Variants in RBFOX1 observed in about 807,000 individuals in gnomAD.
RBFOX1 encodes the protein RNA binding protein fox-1 homolog 1.
RBFOX1 carries 8 observed loss-of-function variants against 57.7 expected under a neutral mutation model. The observed-to-expected ratio is 0.14, with a 90% CI of 0.08 to 0.25. RBFOX1 has a LOEUF of 0.25. Among genes scored for constraint, RBFOX1 ranks in the 10% least tolerant of loss-of-function variants. The pLI, the probability that RBFOX1 is intolerant of heterozygous loss-of-function variation, is 1.00. For missense variants in RBFOX1, 611 were observed against 548.5 expected (o/e 1.11, Z -1.14); for synonymous variants, 326 against 222.4 (o/e 1.47, Z -4.15).
chr16:6,876,666 C>T (rs12925846), intron 3 of RBFOX1, among the ~76,000 whole-genome samples: 1 of 151,802 alleles, frequency 6.6e-6, no homozygotes, highest in Non-Finnish European at 1.5e-5. Flanking sequence ...ACCTAGGGTT[C>T]TATTTCTTAA....
intron 14 of RBFOX1, among the ~76,000 whole-genome samples, chr16:7,703,190 T>A (rs1374058091): frequency 6.6e-6 from 1 of 152,236 alleles, no homozygotes; most frequent in Non-Finnish European, 1.5e-5. Context: ...TACTTAAGAC[T>A]ATGCCTTAGA....
intron 2 of RBFOX1, among the ~76,000 whole-genome samples, chr16:6,554,642 C>A (rs1375859889): frequency 6.6e-6 from 1 of 152,100 alleles, no homozygotes; most frequent in Non-Finnish European, 1.5e-5. Flanking sequence ...CTTGCTTGTA[C>A]TCTCCTGATT....
chr16:7,659,220 C>A (rs145113037), intron 12 of RBFOX1, among the ~76,000 whole-genome samples: 19 of 152,280 alleles, frequency 1.2e-4, no homozygotes, highest in African/African-American at 4.6e-4. Context: ...AAAGATAGAG[C>A]AGTATCCCAG....
chr16:5,536,958 C>G (rs2044723870), intron 2 of RBFOX1, among the ~76,000 whole-genome samples: 1 of 152,190 alleles, frequency 6.6e-6, no homozygotes, highest in African/African-American at 2.4e-5. Context: ...TTGCACATAA[C>G]TGCAGAACAC....
At chr16:6,455,044 G>C (rs1011674364) in intron 2 of RBFOX1, among the ~76,000 whole-genome samples, 1 of 104,898 alleles carries the variant, frequency 9.5e-6, no homozygotes, top group Non-Finnish European at 1.9e-5. Context: ...TACCATGCCT[G>C]GCTAATTTTT....
Position 6,893,996 on chromosome 16 carries a change from C to T in RBFOX1, c.-15-158061C>T, listed in dbSNP as rs539279606. 4.6e-5 allele frequency among the ~76,000 whole-genome samples: 7 copies of T among 152,248 alleles called. 1 individual carries two copies. In the East Asian group the frequency reaches 1.2e-3, roughly 25 times the overall value. ...GTCTTCTAATATCCCAAAGACAGTG[C>T]TATGATGTCTTCTAATATCCCAAAG... On this transcript the variant is annotated intron_variant, in intron 3 of 15. Transcript: ENST00000550418.
At chr16:6,468,139 A>G (rs2095092883) in intron 2 of RBFOX1, among the ~76,000 whole-genome samples, 2 of 152,190 alleles carry the variant, frequency 1.3e-5, no homozygotes, top group African/African-American at 4.8e-5. Context: ...TTTACTGTGC[A>G]ATGTGGGATA....
intron 1 of RBFOX1, among the ~76,000 whole-genome samples, chr16:6,268,270 T>A (rs1049329111): frequency 6.6e-6 from 1 of 152,220 alleles, no homozygotes; most frequent in Non-Finnish European, 1.5e-5. Context: ...GGGAAACTCA[T>A]TTCCCTGCTA....
intron 1 of RBFOX1, among the ~76,000 whole-genome samples, chr16:5,439,042 G>GC (rs1491417047): frequency 1.4e-5 from 2 of 144,506 alleles, no homozygotes; most frequent in African/African-American, 2.5e-5. Flanking sequence ...TGGGGGGGGG[G>GC]GCATAGTGAT....
intron 3 of RBFOX1, among the ~76,000 whole-genome samples, chr16:6,903,413 A>G (rs1427871397): frequency 6.6e-6 from 1 of 152,158 alleles, no homozygotes; most frequent in African/African-American, 2.4e-5. Context: ...GCTCCAATTA[A>G]AATTGACGAA....
intron 4 of RBFOX1, among the ~76,000 whole-genome samples, chr16:7,252,317 T>C (rs1184032901): frequency 1.3e-5 from 2 of 152,236 alleles, no homozygotes; most frequent in African/African-American, 2.4e-5. Flanking sequence ...ATATAACTTA[T>C]AAGGAAAGTG....
chr16:7,286,875 C>G (rs960197063), intron 4 of RBFOX1, among the ~76,000 whole-genome samples: 1 of 151,954 alleles, frequency 6.6e-6, no homozygotes, highest in Non-Finnish European at 1.5e-5. Context: ...ATGATCCACC[C>G]GCCTCAGCCT....
intron 4 of RBFOX1, among the ~76,000 whole-genome samples, chr16:7,132,211 C>G (rs7194200): frequency 0.46 from 69,185 of 151,674 alleles, 17,931 homozygotes; most frequent in East Asian, 0.65. Context: ...AAACTCCTGA[C>G]TTCGACTGAT....
At chr16:6,164,654 T>TTTTTG (rs946641563) in intron 1 of RBFOX1, among the ~76,000 whole-genome samples, 6 of 151,778 alleles carry the variant, frequency 4.0e-5, no homozygotes, top group African/African-American at 1.5e-4. Flanking sequence ...GTTTTGTTTT[T>TTTTTG]TTTTAGTAGA....
intron 3 of RBFOX1, among the ~76,000 whole-genome samples, chr16:6,861,963 A>G (rs553897979): frequency 1.3e-5 from 2 of 151,390 alleles, no homozygotes; most frequent in South Asian, 4.2e-4. Context: ...GGAATATGCA[A>G]TGGGAGGCTT....
At chr16:7,378,970 A>C (rs565990163) in intron 4 of RBFOX1, among the ~76,000 whole-genome samples, 1 of 152,354 alleles carries the variant, frequency 6.6e-6, no homozygotes, top group African/African-American at 2.4e-5. Flanking sequence ...CACCACTGAC[A>C]TTTAGAATCT....
At chr16:6,653,231 C>T (rs2098611928) in intron 2 of RBFOX1, among the ~76,000 whole-genome samples, 1 of 152,094 alleles carries the variant, frequency 6.6e-6, no homozygotes, top group Non-Finnish European at 1.5e-5. Context: ...TCAGCATTTC[C>T]CACCCCCTTC....
intron 2 of RBFOX1, among the ~76,000 whole-genome samples, chr16:5,500,678 T>C (rs1330165217): frequency 6.6e-6 from 1 of 152,124 alleles, no homozygotes. Context: ...AGTGTATGGG[T>C]CCCAACATTG....
At chr16:7,641,047 C>T (rs925692018) in intron 11 of RBFOX1, among the ~76,000 whole-genome samples, 1 of 152,068 alleles carries the variant, frequency 6.6e-6, no homozygotes, top group African/African-American at 2.4e-5. Context: ...CCCAAGGGCC[C>T]CAGCTTTATA....
Sources: allele counts gnomAD v4.1 joint callset (sites outside exome capture counted in the v4.1 genomes callset), GRCh38; gene constraint gnomAD v4.1.1; transcripts MANE v1.5; gene names NCBI Gene and HGNC (gene_info 2026-07-23, HGNC 2026-07-21).